The following SEMA6D variants were observed in gnomAD, a reference collection of about 807,000 sequenced individuals.
SEMA6D encodes semaphorin 6D.
Under a neutral mutation model 106.6 loss-of-function variants are expected in SEMA6D, and 35 were observed. The observed-to-expected ratio is 0.33, with a 90% CI of 0.25 to 0.44. SEMA6D has a LOEUF of 0.44. Ranked by LOEUF, SEMA6D falls within the 20% of genes least tolerant of loss-of-function variation. The pLI, the probability that SEMA6D is intolerant of heterozygous loss-of-function variation, is 1.00. For missense variants in SEMA6D, 1,185 were observed against 1,345.9 expected, an observed-to-expected ratio of 0.88 and a Z score of 1.87; for synonymous variants, 499 against 487.7, an observed-to-expected ratio of 1.02 and a Z score of -0.31.
chr15:47,238,527 G>C (rs2032700375), intron 1 of SEMA6D, among the ~76,000 whole-genome samples: 1 of 152,036 alleles, frequency 6.6e-6, no homozygotes, highest in South Asian at 2.1e-4. Context: ...GCCAATATTT[G>C]TATTTTCTCC....
intron 3 of SEMA6D, among the ~76,000 whole-genome samples, chr15:47,587,054 G>C (rs934123208): frequency 6.6e-5 from 10 of 152,142 alleles, no homozygotes; most frequent in Non-Finnish European, 1.3e-4. Context: ...TTGTAGTATA[G>C]GAGCAGCAGA....
intron 4 of SEMA6D, among the ~76,000 whole-genome samples, chr15:47,629,348 C>T (rs1353068296): frequency 1.3e-5 from 2 of 151,976 alleles, no homozygotes; most frequent in East Asian, 1.9e-4. Context: ...TGCATGAAAC[C>T]AATAGGTCAA....
rs149149394 is a variant in SEMA6D at position 47,382,586 on chromosome 15, CAT to C, written c.-238-29801_-238-29800del. Among the ~76,000 whole-genome samples the C allele has an allele frequency of 6.3e-3, 959 of 152,320 alleles. 2 individuals are homozygous for C. Among genetic ancestry groups the C allele is most frequent in the African/African-American group, 0.022 (916 of 41,562 alleles). On this transcript the variant is annotated intron_variant, in intron 1 of 19. Coordinates refer to the SEMA6D transcript ENST00000558014. Reference sequence around the variant, plus strand: ...TAAAAGTAAAAACCAAGTCCGCAAACATATATAGAACTGTATAAGATCACACA... The same window carrying C: ...TAAAAGTAAAAACCAAGTCCGCAAACATATAGAACTGTATAAGATCACACA...
intron 3 of SEMA6D, among the ~76,000 whole-genome samples, chr15:47,475,015 G>A (rs2042964943): frequency 6.6e-6 from 1 of 152,160 alleles, no homozygotes; most frequent in African/African-American, 2.4e-5. Flanking sequence ...CAGAGTCCCT[G>A]CTGACATTTC....
chr15:47,439,324 A>G (rs1055212494), intron 2 of SEMA6D, among the ~76,000 whole-genome samples: 14 of 152,160 alleles, frequency 9.2e-5, no homozygotes, highest in African/African-American at 3.4e-4. Context: ...AAGCGTATAT[A>G]AACTCAATAC....
chr15:47,256,005 T>G (rs1423257437), intron 1 of SEMA6D, among the ~76,000 whole-genome samples: 3 of 152,168 alleles, frequency 2.0e-5, no homozygotes, highest in Admixed American at 2.0e-4. Context: ...AGTGGAGCAT[T>G]TTTTGTGTAG....
At chr15:47,298,625 TC>T (rs2035899450) in intron 1 of SEMA6D, among the ~76,000 whole-genome samples, 2 of 152,138 alleles carry the variant, frequency 1.3e-5, no homozygotes, top group African/African-American at 4.8e-5. Context: ...CTCCATCAAC[TC>T]TGTTTTCACA....
chr15:47,277,609 A>ATTATTTAT (rs1555414606), intron 1 of SEMA6D, among the ~76,000 whole-genome samples: 7,481 of 128,516 alleles, frequency 0.058, 937 homozygotes, highest in East Asian at 0.53. Flanking sequence ...TATTATTATT[A>ATTATTTAT]TTATTTATTA....
chr15:47,768,818 G>A (rs2082484209), intron 18 of SEMA6D, 70 bp downstream of exon 18: 2 of 1,459,950 alleles, frequency 1.4e-6, no homozygotes, highest in African/African-American at 1.4e-5. Context: ...TGAGGAGTAT[G>A]TGGTTCTCCA....
intron 2 of SEMA6D, among the ~76,000 whole-genome samples, chr15:47,429,014 TGAAG>T (rs1047039098): frequency 6.9e-6 from 1 of 145,232 alleles, no homozygotes; most frequent in Non-Finnish European, 1.5e-5. Context: ...GAGGAAGGAA[TGAAG>T]GAAGGAAGGA....
intron 4 of SEMA6D, among the ~76,000 whole-genome samples, chr15:47,675,608 T>C (rs543241748): frequency 6.6e-6 from 1 of 152,334 alleles, no homozygotes. Flanking sequence ...CTCCCCTCCC[T>C]AAGAGGCATT....
intron 1 of SEMA6D, among the ~76,000 whole-genome samples, chr15:47,213,638 T>A (rs2030268400): frequency 2.0e-5 from 3 of 152,218 alleles, no homozygotes; most frequent in African/African-American, 7.2e-5. Flanking sequence ...TATATCCCAT[T>A]GGATTTTACT....
chr15:47,396,006 A>T (rs2040201461), intron 1 of SEMA6D, among the ~76,000 whole-genome samples: 1 of 152,098 alleles, frequency 6.6e-6, no homozygotes, highest in Non-Finnish European at 1.5e-5. Context: ...GAGCTTCATG[A>T]TGAAATTCAT....
At chr15:47,269,905 T>A (rs1197714907) in intron 1 of SEMA6D, among the ~76,000 whole-genome samples, 3 of 151,870 alleles carry the variant, frequency 2.0e-5, no homozygotes, top group Non-Finnish European at 4.4e-5. Flanking sequence ...ATCTTTTTTT[T>A]ATTTTTGCCA....
intron 1 of SEMA6D, among the ~76,000 whole-genome samples, chr15:47,289,801 T>C (rs539170652): frequency 1.3e-4 from 20 of 152,042 alleles, no homozygotes; most frequent in Admixed American, 9.2e-4. Context: ...GGAAATGGAA[T>C]GTGAGCACTC....
intron 12 of SEMA6D, 26 bp from the exon 13 acceptor site, chr15:47,764,857 C>A (rs755275414): frequency 1.2e-6 from 2 of 1,613,494 alleles, no homozygotes; most frequent in African/African-American, 2.7e-5. Context: ...GCCTCCCCTT[C>A]TGATCTGTGC....
intron 1 of SEMA6D, among the ~76,000 whole-genome samples, chr15:47,385,121 C>T (rs1382647482): frequency 6.9e-6 from 1 of 144,766 alleles, no homozygotes; most frequent in Non-Finnish European, 1.5e-5. Context: ...GTTTTCATAA[C>T]TCATGCAAAT....
At chr15:47,272,483 T>A (rs1275729632) in intron 1 of SEMA6D, 2 of 152,240 alleles carry the variant, frequency 1.3e-5, no homozygotes. Flanking sequence ...ACAGTCACCC[T>A]GCTTTTGATC....
At chr15:47,570,246 A>G (rs768616319) in intron 3 of SEMA6D, among the ~76,000 whole-genome samples, 4 of 152,160 alleles carry the variant, frequency 2.6e-5, no homozygotes, top group Middle Eastern at 3.4e-3. Context: ...GTGCCCTGTG[A>G]TTGAGGAAAT....
Sources: gnomAD v4.1 joint callset for allele counts (sites outside exome capture counted in the v4.1 genomes callset) on GRCh38, gnomAD v4.1.1 for gene constraint, MANE v1.5 for transcripts, NCBI Gene and HGNC (gene_info 2026-07-23, HGNC 2026-07-21) for gene names.